ATP6V1H: variants seen among roughly 807,000 people sequenced by gnomAD.
ATP6V1H encodes V-type proton ATPase subunit H.
Under a neutral mutation model 71.7 loss-of-function variants are expected in ATP6V1H, and 39 were observed. The ratio of observed to expected loss-of-function variants is 0.54; its 90% confidence interval spans 0.42 to 0.71. The LOEUF (loss-of-function observed/expected upper bound fraction) is 0.71, where lower values mean the gene tolerates loss of function less well. Among genes scored for constraint, ATP6V1H ranks in the 30% least tolerant of loss-of-function variants. ATP6V1H has a pLI of 0.00. For synonymous variants in ATP6V1H, 192 were observed against 199.3 expected (o/e 0.96, Z 0.31); for missense variants, 509 against 594.9 (o/e 0.86, Z 1.50).
At chr8:53,752,604 G>A (rs538750607) in intron 12 of ATP6V1H, among the ~76,000 whole-genome samples, 5 of 152,162 alleles carry the variant, frequency 3.3e-5, no homozygotes, top group African/African-American at 1.2e-4. Flanking sequence ...AGGCTGGAGT[G>A]CAGTGGCACA....
Position 53,841,167 on chromosome 8 carries a change from T to C in ATP6V1H, c.113+411A>G, listed in dbSNP as rs189791076. ...TCAAATCCAAGTCTCTCAACTCAAA[T>C]ATCTGTGCTTCTTATTAGTTGTATG... On this transcript the variant is annotated intron_variant, in intron 2 of 13. Coordinates refer to ENST00000359530, the MANE Select transcript of ATP6V1H (RefSeq NM_015941.4). Among the ~76,000 whole-genome samples, 239 of 152,320 alleles carry C rather than the reference T, an allele frequency of 1.6e-3. 3 individuals are homozygous for C. The highest frequency in any genetic ancestry group is 0.012 in the South Asian group (59 of 4,828).
chr8:53,750,668 A>G lies in ATP6V1H; in HGVS notation c.1277+5887T>C, dbSNP rs193022360. Among the ~76,000 whole-genome samples, 347 of 152,360 alleles carry G rather than the reference A, an allele frequency of 2.3e-3. 2 individuals carry two copies. The highest frequency in any genetic ancestry group is 8.1e-3 in the African/African-American group (336 of 41,582). On this transcript the variant is annotated intron_variant, in intron 12 of 13. Transcript: ENST00000359530. The stretch of plus-strand genomic sequence containing the variant: ...ACAAAGGTTACTGTTTGATGGAGAT[A>G]GAGATGGGAGAAAAGGACAAAACTG...
intron 12 of ATP6V1H, among the ~76,000 whole-genome samples, chr8:53,754,881 T>C (rs1408320484): frequency 6.6e-6 from 1 of 152,202 alleles, no homozygotes; most frequent in Non-Finnish European, 1.5e-5. Flanking sequence ...ACTGGCCTAT[T>C]TGTCTATGCC....
intron 12 of ATP6V1H, among the ~76,000 whole-genome samples, chr8:53,744,330 C>A (rs935826948): frequency 2.6e-5 from 4 of 152,034 alleles, no homozygotes; most frequent in African/African-American, 7.3e-5. Context: ...CACCACACTT[C>A]CGACATCCTG....
chr8:53,794,473 C>T (rs1258973675), intron 9 of ATP6V1H, among the ~76,000 whole-genome samples: 1 of 152,158 alleles, frequency 6.6e-6, no homozygotes, highest in Non-Finnish European at 1.5e-5. Flanking sequence ...TCAAGCGATT[C>T]TCCTGTCTCA....
chr8:53,772,847 C>T (rs867890783), intron 9 of ATP6V1H, among the ~76,000 whole-genome samples: 3 of 142,836 alleles, frequency 2.1e-5, no homozygotes, highest in Non-Finnish European at 3.0e-5. Flanking sequence ...CAAGACAGAC[C>T]TCTGTTTTAA....
At chr8:53,724,848 T>C (rs1806754015) in intron 13 of ATP6V1H, among the ~76,000 whole-genome samples, 1 of 149,112 alleles carries the variant, frequency 6.7e-6, no homozygotes, top group African/African-American at 2.5e-5. Context: ...GACATAACCT[T>C]GTCTGCAAGA....
chr8:53,831,066 G>C (rs910169940), intron 3 of ATP6V1H, among the ~76,000 whole-genome samples: 25 of 152,170 alleles, frequency 1.6e-4, no homozygotes, highest in African/African-American at 5.8e-4. Context: ...CATGCACAAA[G>C]CTGGTATACT....
chr8:53,771,487 A>G (rs1446227248), intron 10 of ATP6V1H, among the ~76,000 whole-genome samples: 1 of 152,100 alleles, frequency 6.6e-6, no homozygotes. Flanking sequence ...GACCCGAGGG[A>G]GAGTGAGGCG....
At chr8:53,737,218 G>A (rs982025356) in intron 13 of ATP6V1H, among the ~76,000 whole-genome samples, 8 of 152,160 alleles carry the variant, frequency 5.3e-5, no homozygotes, top group African/African-American at 1.4e-4. Flanking sequence ...TCTGCGGCTC[G>A]TCCTGCTATG....
intron 5 of ATP6V1H, among the ~76,000 whole-genome samples, chr8:53,817,063 A>C (rs1810475626): frequency 1.3e-5 from 2 of 152,096 alleles, no homozygotes; most frequent in South Asian, 4.1e-4. Context: ...CTGAACACCA[A>C]TATGGAAAGC....
chr8:53,766,462 T>C (rs1246255066), intron 11 of ATP6V1H, among the ~76,000 whole-genome samples: 2 of 152,182 alleles, frequency 1.3e-5, no homozygotes, highest in African/African-American at 4.8e-5. Context: ...TTATGAAATG[T>C]GGGCACCCTG....
Position 53,817,698 on chromosome 8 carries a change from G to T in ATP6V1H, c.307-168C>A, listed in dbSNP as rs192821152. 2.1e-3 allele frequency among the ~76,000 whole-genome samples: 321 copies of T among 152,206 alleles called. 1 individual carries two copies. Among genetic ancestry groups the T allele is most frequent in the African/African-American group, 7.3e-3 (302 of 41,520 alleles). On this transcript the variant is annotated intron_variant, in intron 4 of 13. Coordinates refer to ENST00000359530, the MANE Select transcript of ATP6V1H (RefSeq NM_015941.4). ...TACGGGGCAGGGGGTAGGGATGGTA[G>T]TAGGCACAGATATTTTACTAAAAAA...
chr8:53,781,520 G>A (rs1455195124), intron 9 of ATP6V1H, among the ~76,000 whole-genome samples: 1 of 152,146 alleles, frequency 6.6e-6, no homozygotes, highest in Non-Finnish European at 1.5e-5. Context: ...GGTTTCTTTT[G>A]CTGTGCAGAA....
rs112480652 is a variant in ATP6V1H at position 53,827,753 on chromosome 8, C to T, written c.306+1691G>A. Among the ~76,000 whole-genome samples the T allele has an allele frequency of 6.6e-5, 10 of 152,210 alleles. 1 individual carries two copies. Among genetic ancestry groups the T allele is most frequent in the African/African-American group, 2.4e-4 (10 of 41,528 alleles). The stretch of plus-strand genomic sequence containing the variant: ...AATAGTTATTTTTTTCTGATCCTCT[C>T]TCTCCCCCCACCCTCCACCCTTGAG... On this transcript the variant is annotated intron_variant, in intron 4 of 13. Coordinates refer to ENST00000359530, the MANE Select transcript of ATP6V1H (RefSeq NM_015941.4).
intron 12 of ATP6V1H, among the ~76,000 whole-genome samples, chr8:53,754,047 C>A (rs923686919): frequency 3.9e-5 from 6 of 152,122 alleles, no homozygotes; most frequent in Non-Finnish European, 8.8e-5. Flanking sequence ...GCCAGATGAG[C>A]CCTGCACACT....
intron 9 of ATP6V1H, among the ~76,000 whole-genome samples, chr8:53,774,799 GC>G (rs1454187354): frequency 6.6e-6 from 1 of 152,070 alleles, no homozygotes; most frequent in Non-Finnish European, 1.5e-5. Context: ...GTAAAACTCA[GC>G]CGGAAACCAC....
intron 12 of ATP6V1H, among the ~76,000 whole-genome samples, chr8:53,747,571 G>A (rs553413357): frequency 9.6e-5 from 14 of 145,318 alleles, no homozygotes; most frequent in African/African-American, 2.3e-4. Context: ...ATGGAGACTC[G>A]CTCCATTGCC....
intron 9 of ATP6V1H, among the ~76,000 whole-genome samples, chr8:53,781,187 T>A (rs1039399677): frequency 2.0e-5 from 3 of 152,204 alleles, no homozygotes; most frequent in Admixed American, 1.3e-4. Context: ...TTTCTCCACA[T>A]CCTCTCCAGC....
Sources: gnomAD v4.1 joint callset for allele counts (sites outside exome capture counted in the v4.1 genomes callset) on GRCh38, gnomAD v4.1.1 for gene constraint, MANE v1.5 for transcripts, NCBI Gene and HGNC (gene_info 2026-07-23, HGNC 2026-07-21) for gene names.